Variants in GPM6A observed in about 807,000 individuals in gnomAD.
The protein encoded by GPM6A is glycoprotein M6A.
A neutral mutation model predicts 32.1 loss-of-function variants in GPM6A; 7 were observed. The ratio of observed to expected loss-of-function variants is 0.22; its 90% CI spans 0.12 to 0.41. The LOEUF is 0.41. Among genes scored for constraint, GPM6A ranks in the 10% least tolerant of loss-of-function variants. The pLI, the probability that GPM6A is intolerant of heterozygous loss-of-function variation, is 1.00. For missense variants in GPM6A, 235 were observed against 347.2 expected (o/e 0.68, Z 2.57); for synonymous variants, 130 against 123.4 (o/e 1.05, Z -0.35).
chr4:175,844,251 T>C (rs1736024272), intron 1 of GPM6A, among the ~76,000 whole-genome samples: 1 of 152,198 alleles, frequency 6.6e-6, no homozygotes, highest in South Asian at 2.1e-4. Context: ...AATATAAAAT[T>C]GTGAGTTTAT....
intron 4 of GPM6A, among the ~76,000 whole-genome samples, chr4:175,644,117 G>GTTTTT (rs1223083455): frequency 1.8e-5 from 2 of 110,758 alleles, no homozygotes; most frequent in African/African-American, 6.2e-5. Flanking sequence ...AAACTTTTCC[G>GTTTTT]TTTGTTTTTT....
At chr4:175,707,228 G>T (rs1238991482) in intron 1 of GPM6A, among the ~76,000 whole-genome samples, 1 of 152,158 alleles carries the variant, frequency 6.6e-6, no homozygotes, top group Non-Finnish European at 1.5e-5. Context: ...CTATGGGCTT[G>T]CCCTGAACTT....
chr4:175,941,950 G>C (rs1561004086), intron 1 of GPM6A, among the ~76,000 whole-genome samples: 1 of 152,194 alleles, frequency 6.6e-6, no homozygotes, highest in Non-Finnish European at 1.5e-5. Flanking sequence ...TAGAGGAATT[G>C]CCACACTGTC....
intron 1 of GPM6A, among the ~76,000 whole-genome samples, chr4:175,708,113 A>G (rs1172980811): frequency 5.9e-5 from 9 of 152,100 alleles, no homozygotes; most frequent in Non-Finnish European, 1.3e-4. Flanking sequence ...AGTAAACAAA[A>G]TCAATGAAAA....
intron 1 of GPM6A, among the ~76,000 whole-genome samples, chr4:175,797,736 T>C (rs1046316132): frequency 6.6e-6 from 1 of 152,198 alleles, no homozygotes; most frequent in African/African-American, 2.4e-5. Context: ...GAAGTTCTTT[T>C]TATTTTCAAA....
chr4:175,739,180 T>G (rs1009076971), intron 1 of GPM6A, among the ~76,000 whole-genome samples: 2 of 152,190 alleles, frequency 1.3e-5, no homozygotes, highest in East Asian at 3.8e-4. Flanking sequence ...CATTAAGTTC[T>G]TTGCCTGAAT....
chr4:175,798,091 C>T (rs1734309076), intron 1 of GPM6A, among the ~76,000 whole-genome samples: 1 of 152,166 alleles, frequency 6.6e-6, no homozygotes, highest in Non-Finnish European at 1.5e-5. Context: ...CTAAAGCAAA[C>T]TAATGTTGAA....
intron 1 of GPM6A, among the ~76,000 whole-genome samples, chr4:175,836,975 T>C (rs564738872): frequency 6.6e-6 from 1 of 152,240 alleles, no homozygotes; most frequent in South Asian, 2.1e-4. Flanking sequence ...GCAAGAGGGA[T>C]TTTGTAGATG....
At chr4:175,858,001 G>GA (rs138972659) in intron 1 of GPM6A, among the ~76,000 whole-genome samples, 20,379 of 151,926 alleles carry the variant, frequency 0.13, 1,844 homozygotes, top group Middle Eastern at 0.25. Context: ...GGATAAATCT[G>GA]AAAAAAATGG....
intron 1 of GPM6A, among the ~76,000 whole-genome samples, chr4:175,770,256 C>T (rs1733132730): frequency 6.6e-6 from 1 of 152,178 alleles, no homozygotes; most frequent in Non-Finnish European, 1.5e-5. Flanking sequence ...GAACTCCTGA[C>T]CTCAGATGAT....
chr4:175,740,862 G>A (rs959275340), intron 1 of GPM6A, among the ~76,000 whole-genome samples: 2 of 151,984 alleles, frequency 1.3e-5, no homozygotes, highest in African/African-American at 4.8e-5. Context: ...TTAAGGCAGG[G>A]CTCTGAATGT....
intron 1 of GPM6A, among the ~76,000 whole-genome samples, chr4:175,745,556 T>C (rs1014265865): frequency 2.6e-5 from 4 of 152,146 alleles, no homozygotes; most frequent in Non-Finnish European, 5.9e-5. Context: ...AAAGACCTAG[T>C]GTACTTGGCA....
intron 1 of GPM6A, among the ~76,000 whole-genome samples, chr4:175,928,843 T>C (rs935735931): frequency 2.6e-5 from 4 of 152,240 alleles, no homozygotes; most frequent in African/African-American, 7.2e-5. Flanking sequence ...ATCATAGACA[T>C]TTCTACTTAG....
intron 4 of GPM6A, among the ~76,000 whole-genome samples, chr4:175,645,352 A>T (rs1741394911): frequency 6.6e-6 from 1 of 152,198 alleles, no homozygotes; most frequent in African/African-American, 2.4e-5. Context: ...TATGACTTTC[A>T]TCACTAAGGC....
In GPM6A at chr4:175,796,289, A is replaced by G. The variant is rs138795918; in HGVS notation, c.37+15902T>C. ...CAAACATTGGAAGTAAATGGCTTTT[A>G]GCATGGACAAGGAGGCGATATAACA... On this transcript the variant is annotated intron_variant, in intron 1 of 6. Coordinates refer to ENST00000393658, the MANE Select transcript of GPM6A (RefSeq NM_201591.3). Among the ~76,000 whole-genome samples, 11 of 152,308 alleles carry G rather than the reference A, an allele frequency of 7.2e-5. No individual in the cohort carries two copies. In the East Asian group the frequency reaches 1.2e-3, roughly 16 times the overall value.
At position 175,640,141 on chromosome 4, in the gene GPM6A, T is replaced by C; in HGVS notation, c.672A>G (p.Ala224=). The part of the protein sequence containing the change: ...FIVALAGAGA[A]VIAMVHYLMV... ...TTTGAGGTCTTACCATAGCAATGAC[T>C]GCTGCCCCAGCTCCAGCAAGTGCCA... Residue 224 remains alanine (A), a synonymous_variant, in exon 6 of 7, where the codon GCA becomes GCG. Coordinates refer to ENST00000393658, the MANE Select transcript of GPM6A (RefSeq NM_201591.3). 1 of 1,613,376 alleles carries C rather than the reference T, an allele frequency of 6.2e-7. No homozygotes were observed. The highest frequency in any genetic ancestry group is 1.7e-5 in the Admixed American group (1 of 60,010).
intron 1 of GPM6A, among the ~76,000 whole-genome samples, chr4:175,802,920 T>G (rs1734529492): frequency 6.6e-6 from 1 of 152,118 alleles, no homozygotes; most frequent in African/African-American, 2.4e-5. Context: ...ACCAAACTAC[T>G]GAATATATTT....
intron 6 of GPM6A, among the ~76,000 whole-genome samples, chr4:175,637,244 TTATATATAATATAA>T: frequency 1.6e-5 from 1 of 61,904 alleles, no homozygotes; most frequent in Non-Finnish European, 2.8e-5. Context: ...ATATTATATA[TTATATATAATATAA>T]AATATATATT....
At chr4:175,678,601 T>C (rs749718403) in intron 2 of GPM6A, among the ~76,000 whole-genome samples, 1 of 152,146 alleles carries the variant, frequency 6.6e-6, no homozygotes, top group Non-Finnish European at 1.5e-5. Context: ...AGCAATTGTT[T>C]AGTGGCTGAC....
Sources: gnomAD v4.1 joint callset for allele counts (sites outside exome capture counted in the v4.1 genomes callset) on GRCh38, gnomAD v4.1.1 for gene constraint, MANE v1.5 for transcripts, NCBI Gene and HGNC (gene_info 2026-07-23, HGNC 2026-07-21) for gene names.